Variants in KAT14 observed in about 807,000 individuals in gnomAD.
The protein encoded by KAT14 is lysine acetyltransferase 14, also known as cysteine-rich protein 2-binding protein.
KAT14 carries 66 observed loss-of-function variants against 78.4 expected under a neutral mutation model. The ratio of observed to expected loss-of-function variants is 0.84; its 90% CI spans 0.69 to 1.03. The LOEUF (loss-of-function observed/expected upper bound fraction) is 1.03. KAT14 is among the 50% of genes least tolerant of loss of function. The pLI is 0.00. For synonymous variants in KAT14, 344 were observed against 359.4 expected, an observed-to-expected ratio of 0.96 and a Z score of 0.48; for missense variants, 870 against 972.5, an observed-to-expected ratio of 0.89 and a Z score of 1.40.
chr20:18,186,464 G>A (rs2039456829), intron 10 of KAT14, among the ~76,000 whole-genome samples: 1 of 152,192 alleles, frequency 6.6e-6, no homozygotes, highest in South Asian at 2.1e-4. Context: ...GAGAAAGCAG[G>A]TAGCTATCAG....
chr20:18,183,929 G>A lies in KAT14; in HGVS notation c.1981+631G>A, dbSNP rs563499888. Reference sequence around the variant, plus strand: ...AATAATACATGTCTTTCAGATGTTAGATACGATTTCATCAAGATAGAGCTG... The same window carrying A: ...AATAATACATGTCTTTCAGATGTTAAATACGATTTCATCAAGATAGAGCTG... On this transcript the variant is annotated intron_variant, in intron 9 of 10. Transcript: ENST00000688188. 2.0e-5 allele frequency among the ~76,000 whole-genome samples: 3 copies of A among 152,328 alleles called. No homozygotes were observed. The South Asian group carries it at 6.2e-4, about 32-fold the overall frequency.
chr20:18,161,503 T>C (rs1267697444), intron 5 of KAT14, among the ~76,000 whole-genome samples: 1 of 152,198 alleles, frequency 6.6e-6, no homozygotes, highest in Non-Finnish European at 1.5e-5. Context: ...GAACATGATA[T>C]TACTCATAAT....
intron 2 of KAT14, among the ~76,000 whole-genome samples, chr20:18,144,032 G>A (rs1271654711): frequency 6.6e-6 from 1 of 152,228 alleles, no homozygotes. Flanking sequence ...CATTAGGCAA[G>A]AGACTAGTAA....
chr20:18,138,315 A>G (rs1176597744), intron 1 of KAT14: 9 of 1,165,238 alleles, frequency 7.7e-6, no homozygotes, highest in East Asian at 4.0e-5. Context: ...CTCCGCGCTG[A>G]AGGGGCCTTG....
At position 18,181,782 on chromosome 20, in the gene KAT14, G is replaced by A. The variant is rs1391517970; in HGVS notation, c.1741G>A (p.Asp581Asn). 1 of 1,614,202 alleles carries A rather than the reference G, an allele frequency of 6.2e-7. No individual in the cohort carries two copies. Among genetic ancestry groups the A allele is most frequent in the Non-Finnish European group, 8.5e-7 (1 of 1,180,038 alleles). The part of the protein sequence containing the change: ...KFLYRLVGSE[D>N]MAVDQSIVSP... Reference sequence around the variant, plus strand: ...TTTGTATCGCTTGGTAGGATCAGAAGATATGGCTGTGGACCAGAGTATTGT... The same window carrying A: ...TTTGTATCGCTTGGTAGGATCAGAAAATATGGCTGTGGACCAGAGTATTGT... The change falls in exon 8 of 11, where the codon GAT becomes AAT. Residue 581 changes from aspartate (D) to asparagine (N), a missense_variant. Transcript: ENST00000688188.
At chr20:18,139,677 T>A (rs1169589434) in intron 1 of KAT14, among the ~76,000 whole-genome samples, 2 of 103,498 alleles carry the variant, frequency 1.9e-5, no homozygotes, top group African/African-American at 5.8e-5. Flanking sequence ...TGTGTGTGTT[T>A]ATTTTTTTTC....
At chr20:18,176,723 A>G (rs895051579) in intron 7 of KAT14, among the ~76,000 whole-genome samples, 12 of 151,450 alleles carry the variant, frequency 7.9e-5, no homozygotes, top group African/African-American at 2.4e-4. Flanking sequence ...CTGGGGTGAC[A>G]GGGGCCAGAT....
chr20:18,143,475 T>C (rs2037670191), intron 2 of KAT14, among the ~76,000 whole-genome samples: 1 of 151,794 alleles, frequency 6.6e-6, no homozygotes, highest in South Asian at 2.1e-4. Context: ...TTCTTTCTTT[T>C]TTTTTTTTGA....
At chr20:18,142,090 A>G (rs984755165) in intron 1 of KAT14, 118 bp from the exon 2 acceptor site, 7 of 1,042,522 alleles carry the variant, frequency 6.7e-6, no homozygotes, top group Non-Finnish European at 7.9e-6. Flanking sequence ...GTAACTGGGT[A>G]TTTGGAATCT....
At chr20:18,140,820 A>C (rs1408886095) in intron 1 of KAT14, among the ~76,000 whole-genome samples, 1 of 144,406 alleles carries the variant, frequency 6.9e-6, no homozygotes, top group Non-Finnish European at 1.5e-5. Context: ...CTCCTTCTCA[A>C]AAAAAAAAAA....
At position 18,152,901 on chromosome 20, in the gene KAT14, C is replaced by T. The variant is rs554905809; in HGVS notation, c.500+1959C>T. On this transcript the variant is annotated intron_variant, in intron 4 of 10. Transcript: ENST00000688188. Reference sequence around the variant, plus strand: ...TTTGGTGCATTAGACTCGGGGATGCCGATGCACAGACCTTGCGACCATATA... The same window carrying T: ...TTTGGTGCATTAGACTCGGGGATGCTGATGCACAGACCTTGCGACCATATA... Among the ~76,000 whole-genome samples, 17 of 152,216 alleles carry T rather than the reference C, an allele frequency of 1.1e-4. No individual in the cohort carries two copies. The East Asian group carries it at 1.2e-3, about 10-fold the overall frequency.
At chr20:18,141,021 C>CA (rs1235093264) in intron 1 of KAT14, among the ~76,000 whole-genome samples, 12 of 46,082 alleles carry the variant, frequency 2.6e-4, no homozygotes, top group African/African-American at 1.0e-3. Context: ...CCACTCCCTG[C>CA]AATTTTTTTT....
intron 7 of KAT14, among the ~76,000 whole-genome samples, chr20:18,179,698 A>ATT (rs1196760667): frequency 1.3e-5 from 2 of 152,122 alleles, no homozygotes; most frequent in African/African-American, 4.8e-5. Context: ...TGTCTTGGGG[A>ATT]TTAACATTCG....
chr20:18,141,956 T>G (rs1262622825), intron 1 of KAT14, among the ~76,000 whole-genome samples: 3 of 152,346 alleles, frequency 2.0e-5, no homozygotes, highest in Non-Finnish European at 4.4e-5. Context: ...TTAAATTTTC[T>G]GTACTAAATG....
chr20:18,151,933 G>T (rs2038060178), intron 4 of KAT14, among the ~76,000 whole-genome samples: 1 of 150,906 alleles, frequency 6.6e-6, no homozygotes, highest in Non-Finnish European at 1.5e-5. Context: ...AACCCAGGAG[G>T]TGGAGGTTGC....
chr20:18,145,412 G>A (rs1681718366), intron 3 of KAT14, 61 bp downstream of exon 3: 3 of 1,592,018 alleles, frequency 1.9e-6, no homozygotes, highest in East Asian at 2.2e-5. Context: ...TTGTTGGAAC[G>A]AATATCTAGA....
chr20:18,173,260 C>A (rs1009998675), intron 7 of KAT14, among the ~76,000 whole-genome samples: 1 of 152,160 alleles, frequency 6.6e-6, no homozygotes, highest in African/African-American at 2.4e-5. Flanking sequence ...TAGACTTGTC[C>A]GCATTGAGCC....
intron 7 of KAT14, among the ~76,000 whole-genome samples, chr20:18,175,648 A>AT (rs1276264022): frequency 6.6e-6 from 1 of 151,832 alleles, no homozygotes; most frequent in Non-Finnish European, 1.5e-5. Context: ...CTCATTTAAC[A>AT]TTTTTTCTCA....
intron 1 of KAT14, chr20:18,138,490 C>A (rs1228457536): frequency 1.0e-6 from 1 of 983,128 alleles, no homozygotes; most frequent in African/African-American, 1.7e-5. Flanking sequence ...CTACCAGCCT[C>A]CCTCCTGGCC....
Sources: gnomAD v4.1 joint callset for allele counts (sites outside exome capture counted in the v4.1 genomes callset) on GRCh38, gnomAD v4.1.1 for gene constraint, MANE v1.5 for transcripts, NCBI Gene and HGNC (gene_info 2026-07-23, HGNC 2026-07-21) for gene names.